FBXO32: variants seen among roughly 807,000 people sequenced by gnomAD.
FBXO32 encodes the protein F-box only protein 32.
Under a neutral mutation model 48.3 loss-of-function variants are expected in FBXO32, and 15 were observed. That is an observed-to-expected ratio of 0.31 (90% confidence interval 0.21 to 0.48). The LOEUF is 0.48. Ranked by LOEUF, FBXO32 falls within the 20% of genes least tolerant of loss-of-function variation. FBXO32 has a pLI of 0.99. For missense variants in FBXO32, 309 were observed against 432.7 expected, an observed-to-expected ratio of 0.71 and a Z score of 2.54; for synonymous variants, 154 against 165.9, an observed-to-expected ratio of 0.93 and a Z score of 0.55.
rs1323601824 is a variant in FBXO32 at position 123,514,220 on chromosome 8, G to A, written c.466+20C>T. The stretch of plus-strand genomic sequence containing the variant: ...CCTCCATGCCTATAAAAAGGGGCGA[G>A]AGAGTGAGAGAAGGCTCACCTTTCA... On this transcript the variant is annotated intron_variant, in intron 5 of 8. Coordinates refer to ENST00000517956, the MANE Select transcript of FBXO32 (RefSeq NM_058229.4). 2 of 1,594,844 alleles carry A rather than the reference G, an allele frequency of 1.3e-6. No individual in the cohort carries two copies. The highest frequency in any genetic ancestry group is 1.7e-6 in the Non-Finnish European group (2 of 1,166,530).
Position 123,506,400 on chromosome 8 carries a change from C to G in FBXO32, c.826G>C (p.Glu276Gln). ...WKKLCQYHFS[E>Q]RQIRKRLILS... ...CACTGGGCCTTGCTGACCTGCCGCTCGGAGAAGTGGTACTGGCAGAGTTTC... is the reference window on the plus strand; with the variant it reads ...CACTGGGCCTTGCTGACCTGCCGCTGGGAGAAGTGGTACTGGCAGAGTTTC... The change falls in exon 7 of 9, where the codon GAG (glutamate) becomes CAG (glutamine). Residue 276 changes from glutamate to glutamine, a missense_variant. Physicochemically the swap from Glu to Gln is conservative, Grantham distance 29 (BLOSUM62 2). Transcript: ENST00000517956. This position sits in a 1 kb window ranked among gnomAD's most constrained non-coding sequence, Gnocchi z 4.0. 1 of 1,613,626 alleles carries G rather than the reference C, an allele frequency of 6.2e-7. No homozygotes were observed. The highest frequency in any genetic ancestry group is 8.5e-7 in the Non-Finnish European group (1 of 1,179,922).
chr8:123,520,351 G>A (rs1456069200), intron 4 of FBXO32, among the ~76,000 whole-genome samples: 1 of 152,048 alleles, frequency 6.6e-6, no homozygotes, highest in Non-Finnish European at 1.5e-5. Flanking sequence ...GAGGCTTCTC[G>A]GCTCCTCTGG....
chr8:123,514,043 T>C (rs1816788841), intron 5 of FBXO32, 197 bp downstream of exon 5: 1 of 504,132 alleles, frequency 2.0e-6, no homozygotes, highest in African/African-American at 2.0e-5. Context: ...AGGAGGGTGA[T>C]GGTCTCACCC....
intron 6 of FBXO32, among the ~76,000 whole-genome samples, chr8:123,508,788 A>G (rs1044242539): frequency 6.6e-6 from 1 of 152,162 alleles, no homozygotes; most frequent in Non-Finnish European, 1.5e-5. Context: ...TCCCAGGCCA[A>G]TTATTACATT....
At chr8:123,514,504 G>T (rs766905389) in intron 4 of FBXO32, among the ~76,000 whole-genome samples, 171 bp from the exon 5 acceptor site, 1 of 152,232 alleles carries the variant, frequency 6.6e-6, no homozygotes. Context: ...GATAAATGGG[G>T]TAATTCAAAA....
intron 4 of FBXO32, among the ~76,000 whole-genome samples, chr8:123,515,450 C>T (rs1210905405): frequency 3.3e-5 from 5 of 150,098 alleles, no homozygotes; most frequent in African/African-American, 9.8e-5. Flanking sequence ...GGTTTTGCCA[C>T]GTTGGCCAGG....
At chr8:123,523,198 T>C (rs529303498) in intron 4 of FBXO32, among the ~76,000 whole-genome samples, 1 of 152,284 alleles carries the variant, frequency 6.6e-6, no homozygotes, top group African/African-American at 2.4e-5. Context: ...AGAAAAGGTC[T>C]GTGGGACTGG....
intron 4 of FBXO32, among the ~76,000 whole-genome samples, chr8:123,514,859 TAG>T (rs1816805589): frequency 1.3e-5 from 2 of 152,234 alleles, no homozygotes; most frequent in South Asian, 2.1e-4. Context: ...GTCTATTAAT[TAG>T]ACTCTTTCAC....
chr8:123,534,297 A>G (rs1249555558), intron 2 of FBXO32, among the ~76,000 whole-genome samples: 8 of 152,300 alleles, frequency 5.3e-5, no homozygotes, highest in Non-Finnish European at 7.4e-5. Context: ...GCTGATACTT[A>G]TATATAGTAT....
At position 123,503,045 on chromosome 8, in the gene FBXO32, A is replaced by T. The variant is rs1336302445; in HGVS notation, c.*328T>A. On this transcript the variant is annotated 3_prime_UTR_variant, in exon 9 of 9. Transcript: ENST00000517956. ...GCCTTTTTCTTCCTAGGGAACTATAAGAGAGTTTCTGTGACCATTAAGAGG... is the reference window on the plus strand; with the variant it reads ...GCCTTTTTCTTCCTAGGGAACTATATGAGAGTTTCTGTGACCATTAAGAGG... 2 of 178,682 alleles carry T rather than the reference A, an allele frequency of 1.1e-5. No homozygotes were observed. Among genetic ancestry groups the T allele is most frequent in the Admixed American group, 6.1e-5 (1 of 16,408 alleles). The allele number at this position is 178,682 out of a possible 1,614,324, so 11.1% of individuals were successfully genotyped here. A position where few individuals can be genotyped will look rare whatever the true frequency, so the allele number is the denominator to read the frequency against.
At chr8:123,504,578 G>A (rs201670362) in intron 8 of FBXO32, 26 bp downstream of exon 8, 65 of 1,603,172 alleles carry the variant, frequency 4.1e-5, no homozygotes, top group Non-Finnish European at 5.4e-5. Flanking sequence ...CTGGGGGTCT[G>A]TGGCAGCCAC....
In FBXO32 at chr8:123,506,668, C is replaced by A. The variant is rs1816630855; in HGVS notation, c.652-94G>T. The A allele has an allele frequency of 9.3e-6, 10 of 1,071,912 alleles. No individual in the cohort carries two copies. Among genetic ancestry groups the A allele is most frequent in the Non-Finnish European group, 1.1e-5 (8 of 735,814 alleles). The allele number at this position is 1,071,912 out of a possible 1,614,324, so 66.4% of individuals were successfully genotyped here. A position where few individuals can be genotyped will look rare whatever the true frequency, so the allele number is the denominator to read the frequency against. On this transcript the variant is annotated intron_variant, in intron 6 of 8. Transcript: ENST00000517956. This position sits in a 1 kb window ranked among gnomAD's most constrained non-coding sequence, Gnocchi z 4.0. Reference sequence around the variant, plus strand: ...GGCATGCAGCTGTGCCCGTCCTCCACCCTCAAGGCAGTTTATTGATAAGAG... The same window carrying A: ...GGCATGCAGCTGTGCCCGTCCTCCAACCTCAAGGCAGTTTATTGATAAGAG...
At chr8:123,522,208 T>C (rs1376984843) in intron 4 of FBXO32, among the ~76,000 whole-genome samples, 2 of 117,388 alleles carry the variant, frequency 1.7e-5, no homozygotes, top group South Asian at 2.7e-4. Context: ...CTGGTTACTT[T>C]TTTTTTTTTT....
At chr8:123,527,347 A>T (rs891819489) in intron 4 of FBXO32, 4 of 152,240 alleles carry the variant, frequency 2.6e-5, no homozygotes, top group Non-Finnish European at 5.9e-5. Flanking sequence ...CAGATACTAA[A>T]TAACGGTTGC....
At chr8:123,514,447 G>T in intron 4 of FBXO32, 114 bp from the exon 5 acceptor site, 1 of 618,736 alleles carries the variant, frequency 1.6e-6, no homozygotes, top group Non-Finnish European at 2.6e-6. Context: ...AGAGATAAAT[G>T]GCAGGCAGGG....
At chr8:123,530,563 C>T (rs1242541277) in intron 4 of FBXO32, among the ~76,000 whole-genome samples, 3 of 152,148 alleles carry the variant, frequency 2.0e-5, no homozygotes, top group African/African-American at 7.2e-5. Flanking sequence ...AATAATGTGA[C>T]AGTCATGGTT....
At chr8:123,510,415 C>A (rs937472756) in intron 6 of FBXO32, among the ~76,000 whole-genome samples, 1 of 152,072 alleles carries the variant, frequency 6.6e-6, no homozygotes, top group Non-Finnish European at 1.5e-5. Flanking sequence ...AGTTCGAGAC[C>A]AGCCTGGCCA....
intron 1 of FBXO32, among the ~76,000 whole-genome samples, chr8:123,537,256 G>A (rs1817326274): frequency 6.7e-6 from 1 of 149,806 alleles, no homozygotes; most frequent in African/African-American, 2.5e-5. Context: ...TTTTTAATAA[G>A]CAAAACCATC....
chr8:123,537,414 A>G lies in FBXO32; in HGVS notation c.117-2600T>C, dbSNP rs1054035138. Reference sequence around the variant, plus strand: ...CAGCCCCACATTACCACATACCAAGATACTTTAAGGCAACTTTTTAAAAAT... The same window carrying G: ...CAGCCCCACATTACCACATACCAAGGTACTTTAAGGCAACTTTTTAAAAAT... On this transcript the variant is annotated intron_variant, in intron 1 of 8. Transcript: ENST00000517956. Among the ~76,000 whole-genome samples the G allele has an allele frequency of 2.0e-5, 3 of 152,178 alleles. No homozygotes were observed. In the South Asian group the frequency reaches 6.2e-4, roughly 32 times the overall value.
Sources: allele counts gnomAD v4.1 joint callset (sites outside exome capture counted in the v4.1 genomes callset), GRCh38; gene constraint gnomAD v4.1.1; non-coding constraint Gnocchi (gnomAD v3.1); transcripts MANE v1.5; gene names NCBI Gene and HGNC (gene_info 2026-07-23, HGNC 2026-07-21).